Variants in TNFSF11 observed in about 807,000 individuals in gnomAD.
TNFSF11 encodes the protein TNF superfamily member 11, also known as tumor necrosis factor ligand superfamily member 11.
Under a neutral mutation model 32.2 loss-of-function variants are expected in TNFSF11, and 12 were observed. The ratio of observed to expected loss-of-function variants is 0.37; its 90% CI spans 0.24 to 0.60. TNFSF11 has a LOEUF of 0.60. TNFSF11 is among the 20% of genes least tolerant of loss of function. The pLI is 0.66. For missense variants in TNFSF11, 345 were observed against 398.0 expected (o/e 0.87, Z 1.13); for synonymous variants, 172 against 152.1 (o/e 1.13, Z -0.96).
chr13:42,581,638 C>T (rs574141528), intron 2 of TNFSF11, among the ~76,000 whole-genome samples: 3 of 152,274 alleles, frequency 2.0e-5, no homozygotes, highest in Admixed American at 6.5e-5. Context: ...AAAAACCATC[C>T]GCTCAGTTCA....
At position 42,607,146 on chromosome 13, in the gene TNFSF11, A is replaced by G; in HGVS notation, c.*228A>G. Reference sequence around the variant, plus strand: ...CAATGGTTTTTAAATTTTGTAATGAATTCCTAGAATTAAACCAGATTGGAG... The same window carrying G: ...CAATGGTTTTTAAATTTTGTAATGAGTTCCTAGAATTAAACCAGATTGGAG... On this transcript the variant is annotated 3_prime_UTR_variant, in exon 5 of 5. Coordinates refer to ENST00000398795, the MANE Select transcript of TNFSF11 (RefSeq NM_003701.4). 1.9e-6 allele frequency: 1 copy of G among 536,750 alleles called. No homozygotes were observed. Among genetic ancestry groups the G allele is most frequent in the Middle Eastern group, 5.2e-4 (1 of 1,938 alleles). The allele number at this position is 536,750 out of a possible 1,614,324, so 33.2% of individuals were successfully genotyped here. A position where few individuals can be genotyped will look rare whatever the true frequency, so the allele number is the denominator to read the frequency against.
chr13:42,598,299 G>A (rs1399996194), intron 2 of TNFSF11, among the ~76,000 whole-genome samples: 8 of 152,112 alleles, frequency 5.3e-5, no homozygotes, highest in African/African-American at 9.7e-5. Context: ...GAGGGGTAGC[G>A]TTCAATCTCA....
chr13:42,585,658 CG>C (rs1449978421), intron 2 of TNFSF11, among the ~76,000 whole-genome samples: 1 of 152,150 alleles, frequency 6.6e-6, no homozygotes, highest in Non-Finnish European at 1.5e-5. Flanking sequence ...TTCTGCCAGC[CG>C]GGGGGTGAGG....
chr13:42,590,043 G>A (rs1235476864), intron 2 of TNFSF11, among the ~76,000 whole-genome samples: 1 of 152,264 alleles, frequency 6.6e-6, no homozygotes, highest in Non-Finnish European at 1.5e-5. Flanking sequence ...TCTTGTAACA[G>A]CAGTAACCAC....
At chr13:42,589,079 A>T (rs1874037306) in intron 2 of TNFSF11, among the ~76,000 whole-genome samples, 1 of 152,062 alleles carries the variant, frequency 6.6e-6, no homozygotes. Flanking sequence ...TAATCATCAT[A>T]ATGATAAACC....
intron 2 of TNFSF11, among the ~76,000 whole-genome samples, chr13:42,597,037 A>G (rs1868846447): frequency 6.6e-6 from 1 of 152,246 alleles, no homozygotes; most frequent in East Asian, 1.9e-4. Context: ...CAAGGCCAGA[A>G]GACACCCTAA....
chr13:42,577,234 A>T (rs996892552), intron 1 of TNFSF11, among the ~76,000 whole-genome samples: 2 of 152,218 alleles, frequency 1.3e-5, no homozygotes, highest in Non-Finnish European at 2.9e-5. Context: ...AAGCAGTTTG[A>T]GTTTTTAAAT....
chr13:42,604,602 G>C (rs1303662927), intron 4 of TNFSF11, among the ~76,000 whole-genome samples: 1 of 152,126 alleles, frequency 6.6e-6, no homozygotes, highest in East Asian at 1.9e-4. Context: ...CTGCCTGTTT[G>C]GTTCCTACAG....
upstream of TNFSF11, among the ~76,000 whole-genome samples, chr13:42,572,520 A>G (rs1410934351): frequency 6.6e-6 from 1 of 152,170 alleles, no homozygotes; most frequent in Non-Finnish European, 1.5e-5. Flanking sequence ...AGGAGGAGAC[A>G]ATAAACCTAC....
At chr13:42,567,324 C>T (rs983764854) in intron 2 of TNFSF11, among the ~76,000 whole-genome samples, 24 of 152,130 alleles carry the variant, frequency 1.6e-4, no homozygotes, top group Non-Finnish European at 2.8e-4. Flanking sequence ...GAATTAAAAA[C>T]CTGTCAAACA....
At chr13:42,589,438 G>C (rs1874058233) in intron 2 of TNFSF11, among the ~76,000 whole-genome samples, 1 of 152,184 alleles carries the variant, frequency 6.6e-6, no homozygotes, top group African/African-American at 2.4e-5. Flanking sequence ...ATAGCTGAGG[G>C]ACTTCGAAAA....
chr13:42,592,820 A>G (rs1868572629), intron 2 of TNFSF11, among the ~76,000 whole-genome samples: 1 of 151,878 alleles, frequency 6.6e-6, no homozygotes, highest in Non-Finnish European at 1.5e-5. Context: ...ATCTCATGAG[A>G]TCTGATGGTT....
chr13:42,582,126 C>G (rs1873646670), intron 2 of TNFSF11, among the ~76,000 whole-genome samples: 1 of 152,256 alleles, frequency 6.6e-6, no homozygotes, highest in Non-Finnish European at 1.5e-5. Context: ...CCCTGGGTCT[C>G]TGGTCATTCC....
intron 4 of TNFSF11, among the ~76,000 whole-genome samples, chr13:42,604,925 G>A (rs238222): frequency 0.059 from 8,988 of 151,974 alleles, 275 homozygotes; most frequent in Non-Finnish European, 0.074. Context: ...CTGGGATTAC[G>A]GGCGCCTGCC....
chr13:42,581,151 A>G lies in TNFSF11; in HGVS notation c.245A>G (p.Asp82Gly), dbSNP rs1038170864. Residue 82 changes from aspartate (D) to glycine (G), a missense_variant, in exon 2 of 5, where the codon GAT becomes GGT. Asp to Gly is a moderately conservative substitution (Grantham distance 94, BLOSUM62 -1). Coordinates refer to ENST00000398795, the MANE Select transcript of TNFSF11 (RefSeq NM_003701.4). ...ATGGATCCTAATAGAATATCAGAAG[A>G]TGGCACTCACTGCATTTATAGAATT... Reference protein sequence around the residue: ...AQMDPNRISEDGTHCIYRILR... With the variant: ...AQMDPNRISEGGTHCIYRILR... The G allele has an allele frequency of 1.9e-6, 3 of 1,614,136 alleles. No homozygotes were observed. Among genetic ancestry groups the G allele is most frequent in the Middle Eastern group, 1.7e-4 (1 of 6,060 alleles).
upstream of TNFSF11, among the ~76,000 whole-genome samples, chr13:42,573,042 T>C (rs74769447): frequency 0.041 from 6,176 of 152,314 alleles, 165 homozygotes; most frequent in Non-Finnish European, 0.061. Context: ...CACTTGAAAT[T>C]ATCTTTAGAT....
At position 42,599,349 on chromosome 13, in the gene TNFSF11, C is replaced by CATCCATCTATCTATCTATCT. The variant is rs1555310745; in HGVS notation, c.388-1400_388-1399insCATCTATCTATCTATCTATC. 4.3e-4 allele frequency among the ~76,000 whole-genome samples: 48 copies of CATCCATCTATCTATCTATCT among 112,246 alleles called. No homozygotes were observed. The South Asian group carries it at 4.6e-3, about 11-fold the overall frequency. The allele number at this position is 112,246 out of a possible 152,430, so 73.6% of individuals were successfully genotyped here. ...TCTATCTATCTATCTATCTATCTAT[C>CATCCATCTATCTATCTATCT]ATCTATCTATCTATCTATCTATCTA... is the stretch of plus-strand genomic sequence containing the variant. On this transcript the variant is annotated intron_variant, in intron 2 of 4. Coordinates refer to ENST00000398795, the MANE Select transcript of TNFSF11 (RefSeq NM_003701.4).
chr13:42,569,063 T>C (rs1030091979), intron 2 of TNFSF11, among the ~76,000 whole-genome samples: 3 of 152,078 alleles, frequency 2.0e-5, no homozygotes, highest in African/African-American at 7.2e-5. Flanking sequence ...GGGTTCGCTT[T>C]CCCACACTGC....
chr13:42,563,936 C>A (rs983204013), intron 1 of TNFSF11, among the ~76,000 whole-genome samples: 1 of 152,122 alleles, frequency 6.6e-6, no homozygotes. Flanking sequence ...CATTTTTTCC[C>A]TGTCCTTCTG....
Sources: gnomAD v4.1 joint callset for allele counts (sites outside exome capture counted in the v4.1 genomes callset) on GRCh38, gnomAD v4.1.1 for gene constraint, MANE v1.5 for transcripts, NCBI Gene and HGNC (gene_info 2026-07-23, HGNC 2026-07-21) for gene names.